The following C8orf34 variants were observed in gnomAD, a reference collection of about 807,000 sequenced individuals.
C8orf34 encodes the protein chromosome 8 open reading frame 34, also known as uncharacterized protein C8orf34.
Under a neutral mutation model 68.3 loss-of-function variants are expected in C8orf34, and 65 were observed. The observed-to-expected ratio is 0.95, with a 90% CI of 0.78 to 1.17. C8orf34 has a LOEUF of 1.17. Ranked by LOEUF, C8orf34 falls within the 50% of genes most tolerant of loss-of-function variation. The pLI is 0.00. For missense variants in C8orf34, 664 were observed against 655.4 expected (o/e 1.01, Z -0.14); for synonymous variants, 244 against 241.2 (o/e 1.01, Z -0.11).
At chr8:68,751,052 C>T (rs746168537) in intron 10 of C8orf34, among the ~76,000 whole-genome samples, 14 of 152,082 alleles carry the variant, frequency 9.2e-5, no homozygotes, top group Admixed American at 2.0e-4. Flanking sequence ...TGGAAGGCAC[C>T]GTGCACAAAA....
In C8orf34 at chr8:68,737,035, A is replaced by T. The variant is rs1458746292; in HGVS notation, c.1404+15598A>T. Among the ~76,000 whole-genome samples, 3 of 152,038 alleles carry T rather than the reference A, an allele frequency of 2.0e-5. No individual in the cohort carries two copies. The East Asian group carries it at 5.8e-4, about 29-fold the overall frequency. ...AGTATGCTGTAATATTATTATCATC[A>T]TTGTGGCCATAGTGTCAGTACAACT... On this transcript the variant is annotated intron_variant, in intron 10 of 13. Transcript: ENST00000518698.
chr8:68,712,188 T>C (rs1418960882), intron 9 of C8orf34, among the ~76,000 whole-genome samples: 2 of 152,104 alleles, frequency 1.3e-5, no homozygotes, highest in African/African-American at 4.8e-5. Flanking sequence ...TAAAAGGAAC[T>C]CTAAGTCCTG....
At chr8:68,603,538 T>C (rs1266042886) in intron 7 of C8orf34, among the ~76,000 whole-genome samples, 53 of 85,952 alleles carry the variant, frequency 6.2e-4, no homozygotes, top group African/African-American at 2.3e-3. Context: ...TCTATCTATC[T>C]ATCTATCTAT....
intron 7 of C8orf34, among the ~76,000 whole-genome samples, chr8:68,627,662 C>G (rs1381613090): frequency 1.3e-5 from 2 of 152,136 alleles, no homozygotes; most frequent in Admixed American, 6.6e-5. Context: ...TTTGAATTTG[C>G]TTGAACTGGT....
intron 1 of C8orf34, among the ~76,000 whole-genome samples, chr8:68,430,208 G>A (rs1246314394): frequency 1.3e-5 from 2 of 152,078 alleles, no homozygotes; most frequent in Non-Finnish European, 2.9e-5. Flanking sequence ...TAAATGATGG[G>A]ATTCAGAGAG....
chr8:68,385,852 T>G (rs765966853), intron 1 of C8orf34, among the ~76,000 whole-genome samples: 1 of 152,210 alleles, frequency 6.6e-6, no homozygotes, highest in Non-Finnish European at 1.5e-5. Context: ...CATGGCCTGT[T>G]CAGTATTTTT....
At chr8:68,467,865 C>T (rs1447104600) in intron 3 of C8orf34, among the ~76,000 whole-genome samples, 3 of 151,872 alleles carry the variant, frequency 2.0e-5, no homozygotes, top group African/African-American at 7.2e-5. Context: ...ATTTGATTTG[C>T]TATTTTTGCC....
chr8:68,565,733 A>T (rs1816568473), intron 7 of C8orf34, among the ~76,000 whole-genome samples: 1 of 152,134 alleles, frequency 6.6e-6, no homozygotes, highest in Non-Finnish European at 1.5e-5. Flanking sequence ...GTGTGTCTAG[A>T]TTTATCCTTT....
intron 10 of C8orf34, among the ~76,000 whole-genome samples, chr8:68,743,390 G>A (rs1822362054): frequency 6.6e-6 from 1 of 152,178 alleles, no homozygotes. Flanking sequence ...AACAGCTCTG[G>A]TCTACAGCTC....
At chr8:68,805,639 G>C (rs987585711) in intron 12 of C8orf34, among the ~76,000 whole-genome samples, 2 of 151,930 alleles carry the variant, frequency 1.3e-5, no homozygotes, top group African/African-American at 4.8e-5. Context: ...CTATGACATT[G>C]GTACCCCAGC....
At chr8:68,788,393 C>T (rs1823902419) in intron 12 of C8orf34, among the ~76,000 whole-genome samples, 1 of 152,174 alleles carries the variant, frequency 6.6e-6, no homozygotes, top group Non-Finnish European at 1.5e-5. Context: ...TCCCCACTTC[C>T]ATACTGTGGG....
chr8:68,468,645 G>A lies in C8orf34; in HGVS notation c.608-47G>A, dbSNP rs1321487980. The A allele has an allele frequency of 1.9e-6, 3 of 1,588,706 alleles. No homozygotes were observed. In the South Asian group the frequency reaches 3.4e-5, roughly 18 times the overall value. ...ACGTGATGATGAATAGTCAGTTTGT[G>A]TCATTATGTAGCATGCTTATGAAAT... On this transcript the variant is annotated intron_variant, in intron 3 of 13. Transcript: ENST00000518698.
intron 12 of C8orf34, among the ~76,000 whole-genome samples, chr8:68,794,506 T>TATATATATATATATACATACA (rs58048066): frequency 5.4e-4 from 32 of 58,986 alleles, no homozygotes; most frequent in African/African-American, 3.3e-3. Flanking sequence ...TATATATATA[T>TATATATATATATATACATACA]TTTTTTTTTT....
At chr8:68,750,829 T>C (rs1405495922) in intron 10 of C8orf34, among the ~76,000 whole-genome samples, 1 of 152,140 alleles carries the variant, frequency 6.6e-6, no homozygotes, top group African/African-American at 2.4e-5. Context: ...TTTACAGACA[T>C]TATTTCTAAT....
At chr8:68,386,916 G>A (rs906891588) in intron 1 of C8orf34, among the ~76,000 whole-genome samples, 2 of 152,016 alleles carry the variant, frequency 1.3e-5, no homozygotes, top group Non-Finnish European at 2.9e-5. Flanking sequence ...TCCAGACATT[G>A]CCAAAAGTGC....
At chr8:68,656,008 C>T (rs768061192) in intron 8 of C8orf34, among the ~76,000 whole-genome samples, 12 of 152,096 alleles carry the variant, frequency 7.9e-5, no homozygotes, top group East Asian at 5.8e-4. Context: ...AAAATTCTAG[C>T]GGTAAAATAT....
intron 8 of C8orf34, among the ~76,000 whole-genome samples, chr8:68,660,285 T>C (rs1240324838): frequency 6.6e-6 from 1 of 152,168 alleles, no homozygotes; most frequent in Admixed American, 6.5e-5. Flanking sequence ...CTAGTTACTT[T>C]ATCTTCCCAG....
intron 7 of C8orf34, among the ~76,000 whole-genome samples, chr8:68,635,911 T>C (rs1321925402): frequency 6.6e-6 from 1 of 152,152 alleles, no homozygotes; most frequent in Non-Finnish European, 1.5e-5. Context: ...AAATGAAGAC[T>C]ACACAAATGA....
At chr8:68,455,940 T>C (rs1811529128) in intron 3 of C8orf34, among the ~76,000 whole-genome samples, 1 of 151,674 alleles carries the variant, frequency 6.6e-6, no homozygotes, top group Admixed American at 6.6e-5. Context: ...CAGTTATCAA[T>C]TCATTAAAAA....
Sources: gnomAD v4.1 joint callset for allele counts (sites outside exome capture counted in the v4.1 genomes callset) on GRCh38, gnomAD v4.1.1 for gene constraint, MANE v1.5 for transcripts, NCBI Gene and HGNC (gene_info 2026-07-23, HGNC 2026-07-21) for gene names.